The following DLGAP1 variants were observed in gnomAD, a reference collection of about 807,000 sequenced individuals.
DLGAP1 encodes DLG associated protein 1.
In DLGAP1, 11 loss-of-function variants were observed where a neutral mutation model predicts 90.8. That is an observed-to-expected ratio of 0.12 (90% CI 0.08 to 0.20). DLGAP1 has a LOEUF of 0.20. Ranked by LOEUF, DLGAP1 falls within the 10% of genes least tolerant of loss-of-function variation. The pLI is 1.00. For missense variants in DLGAP1, 1,050 were observed against 1,333.8 expected, an observed-to-expected ratio of 0.79 and a Z score of 3.31; for synonymous variants, 558 against 540.7, an observed-to-expected ratio of 1.03 and a Z score of -0.44.
At chr18:3,563,711 C>T (rs753443476) in intron 9 of DLGAP1, among the ~76,000 whole-genome samples, 3 of 152,218 alleles carry the variant, frequency 2.0e-5, no homozygotes, top group East Asian at 1.9e-4. Flanking sequence ...TCTGGTGATC[C>T]GCCCACCTTG....
intron 1 of DLGAP1, among the ~76,000 whole-genome samples, chr18:4,437,668 G>C (rs1472649685): frequency 1.3e-5 from 2 of 152,164 alleles, no homozygotes; most frequent in Non-Finnish European, 2.9e-5. Flanking sequence ...ACAGAAGGCT[G>C]ACTGTACATT....
intron 2 of DLGAP1, among the ~76,000 whole-genome samples, chr18:4,063,877 C>T (rs1045821074): frequency 5.3e-5 from 8 of 152,020 alleles, no homozygotes; most frequent in Non-Finnish European, 1.2e-4. Flanking sequence ...CCCATGTATG[C>T]ATATTAAATA....
chr18:3,588,697 T>C (rs2145504511), intron 7 of DLGAP1, among the ~76,000 whole-genome samples: 1 of 151,046 alleles, frequency 6.6e-6, no homozygotes, highest in African/African-American at 2.4e-5. Flanking sequence ...GGAGAATTGC[T>C]TGAGCCCGGG....
chr18:4,081,300 A>T (rs1210045483), intron 2 of DLGAP1, among the ~76,000 whole-genome samples: 1 of 149,004 alleles, frequency 6.7e-6, no homozygotes, highest in Non-Finnish European at 1.5e-5. Flanking sequence ...GGGCAAAAGG[A>T]GTGAAACTCC....
At chr18:4,272,093 T>G (rs2079297115) in intron 1 of DLGAP1, among the ~76,000 whole-genome samples, 1 of 152,208 alleles carries the variant, frequency 6.6e-6, no homozygotes. Context: ...TATTCCAACT[T>G]TATGAAGTTA....
At chr18:3,871,664 T>C (rs866404171) in intron 4 of DLGAP1, among the ~76,000 whole-genome samples, 55 of 152,208 alleles carry the variant, frequency 3.6e-4, no homozygotes, top group African/African-American at 1.3e-3. Flanking sequence ...ATATAATCAC[T>C]GGAAAAGCAC....
chr18:4,445,628 G>T (rs900049172), intron 1 of DLGAP1, among the ~76,000 whole-genome samples: 1 of 151,890 alleles, frequency 6.6e-6, no homozygotes, highest in African/African-American at 2.4e-5. Context: ...GAAAGCAGCT[G>T]CTACCCCTTG....
chr18:3,574,586 A>C (rs2054996974), intron 8 of DLGAP1, among the ~76,000 whole-genome samples: 2 of 152,180 alleles, frequency 1.3e-5, no homozygotes, highest in Admixed American at 6.5e-5. Flanking sequence ...GGAATTCATT[A>C]AAATGATCTC....
intron 7 of DLGAP1, among the ~76,000 whole-genome samples, chr18:3,702,529 A>T (rs963221650): frequency 5.3e-5 from 8 of 152,178 alleles, no homozygotes; most frequent in Admixed American, 5.2e-4. Context: ...GACTTCCTGC[A>T]TGCAGGCGCC....
chr18:3,972,108 T>C (rs1477765148), intron 3 of DLGAP1, among the ~76,000 whole-genome samples: 1 of 152,020 alleles, frequency 6.6e-6, no homozygotes, highest in Non-Finnish European at 1.5e-5. Context: ...AAAGAAGTGT[T>C]TTCAATTAAA....
intron 2 of DLGAP1, among the ~76,000 whole-genome samples, chr18:4,140,285 TTTTTG>T (rs1272422545): frequency 6.6e-6 from 1 of 151,948 alleles, no homozygotes; most frequent in East Asian, 1.9e-4. Flanking sequence ...TGTTGTATGC[TTTTTG>T]TTTTGAGGTT....
At chr18:4,015,520 C>G (rs141559757) in intron 2 of DLGAP1, among the ~76,000 whole-genome samples, 68 of 152,262 alleles carry the variant, frequency 4.5e-4, no homozygotes, top group African/African-American at 1.5e-3. Context: ...AACATTGCTT[C>G]CATTGAGTTG....
chr18:4,041,980 G>A (rs2074981718), intron 2 of DLGAP1, among the ~76,000 whole-genome samples: 1 of 152,172 alleles, frequency 6.6e-6, no homozygotes, highest in Non-Finnish European at 1.5e-5. Context: ...AATAACTTGA[G>A]CTGATTTTTA....
At chr18:3,940,312 C>T (rs2148946785) in intron 3 of DLGAP1, among the ~76,000 whole-genome samples, 1 of 152,308 alleles carries the variant, frequency 6.6e-6, no homozygotes. Context: ...ATGAGAGACT[C>T]TAAGCTGGAG....
At position 4,205,662 on chromosome 18, in the gene DLGAP1, A is replaced by G. The variant is rs543438653; in HGVS notation, c.-266-54375T>C. On this transcript the variant is annotated intron_variant, in intron 1 of 12. Transcript: ENST00000315677. ...CATGAGCCACCATGCCCAGCCTTAA[A>G]TGTCAATGAAAAATAAATACACCAA... is the stretch of plus-strand genomic sequence containing the variant. Among the ~76,000 whole-genome samples, 60 of 152,276 alleles carry G rather than the reference A, an allele frequency of 3.9e-4. No individual in the cohort carries two copies. In the South Asian group the frequency reaches 0.012, roughly 29 times the overall value.
intron 1 of DLGAP1, among the ~76,000 whole-genome samples, chr18:4,308,046 C>T (rs1475568596): frequency 2.0e-5 from 3 of 152,160 alleles, no homozygotes; most frequent in South Asian, 2.1e-4. Context: ...CCCTGTACTA[C>T]ACTTCACACC....
Position 3,879,627 on chromosome 18 carries a change from G to A in DLGAP1, c.442C>T (p.Leu148Phe). ...TCCAGGGAGTGCGACTTGGTGAAGA[G>A]CTTCTGGACCGAGTGCACCAGGTGG... ...IRHLVHSVQKLFTKSHSLEGP... is the reference protein window; with the variant it reads ...IRHLVHSVQKFFTKSHSLEGP... The change falls in exon 4 of 13, where the codon CTC becomes TTC. Residue 148 changes from leucine (L) to phenylalanine (F), a missense_variant. Physicochemically the swap from Leu to Phe is conservative, Grantham distance 22. Transcript: ENST00000315677. This position sits in a 1 kb window ranked among gnomAD's most constrained non-coding sequence, Gnocchi z 6.6. The A allele has an allele frequency of 1.2e-6, 2 of 1,604,700 alleles. No homozygotes were observed. Among genetic ancestry groups the A allele is most frequent in the Non-Finnish European group, 1.7e-6 (2 of 1,179,070 alleles).
At chr18:3,950,048 G>T (rs796507975) in intron 3 of DLGAP1, among the ~76,000 whole-genome samples, 11 of 152,242 alleles carry the variant, frequency 7.2e-5, no homozygotes, top group African/African-American at 2.4e-4. Context: ...ATATTACTGA[G>T]ATTTTTTCAT....
intron 1 of DLGAP1, among the ~76,000 whole-genome samples, chr18:4,204,634 A>G (rs1360134779): frequency 3.9e-5 from 6 of 152,166 alleles, no homozygotes; most frequent in Non-Finnish European, 8.8e-5. Flanking sequence ...TAACCTTGAA[A>G]GATATATGGT....
Sources: allele counts gnomAD v4.1 joint callset (sites outside exome capture counted in the v4.1 genomes callset), GRCh38; gene constraint gnomAD v4.1.1; non-coding constraint Gnocchi (gnomAD v3.1); transcripts MANE v1.5; gene names NCBI Gene and HGNC (gene_info 2026-07-23, HGNC 2026-07-21).